LRRC37A2: variants seen among roughly 807,000 people sequenced by gnomAD.
The protein encoded by LRRC37A2 is leucine-rich repeat-containing protein 37A2.
LRRC37A2 carries 9 observed loss-of-function variants against 68.8 expected under a neutral mutation model. The ratio of observed to expected loss-of-function variants is 0.13; its 90% CI spans 0.08 to 0.23. The LOEUF is 0.23. Ranked by LOEUF, LRRC37A2 falls within the 10% of genes least tolerant of loss-of-function variation. The probability of loss-of-function intolerance (pLI) is 1.00; values close to 1 mark genes in which losing one functional copy is unlikely to be tolerated. For missense variants in LRRC37A2, 168 were observed against 950.4 expected, an observed-to-expected ratio of 0.18 and a Z score of 10.82; for synonymous variants, 63 against 367.6, an observed-to-expected ratio of 0.17 and a Z score of 9.48.
chr17:46,839,911 CTTTTCTTTCTTTCTTTCTTT>C, the LRRC37A2 span, among the ~76,000 whole-genome samples: 1 of 134,780 alleles, frequency 7.4e-6, no homozygotes, highest in African/African-American at 2.7e-5. Flanking sequence ...CACATTTTCT[CTTTTCTTTCTTTCTTTCTTT>C]CTTTCTTTCT....
the LRRC37A2 span, among the ~76,000 whole-genome samples, chr17:46,726,922 T>G: frequency 1.5e-4 from 23 of 152,156 alleles, no homozygotes; most frequent in Admixed American, 9.8e-4. Flanking sequence ...TGAGTATATC[T>G]GTTATTTAGG....
chr17:46,783,032 T>C, the LRRC37A2 span, among the ~76,000 whole-genome samples: 1 of 152,178 alleles, frequency 6.6e-6, no homozygotes, highest in Admixed American at 6.5e-5. Context: ...GGGACATGTC[T>C]CTGGGCCTTG....
chr17:46,966,590 C>A, the LRRC37A2 span: 3 of 690,476 alleles, frequency 4.3e-6, no homozygotes, highest in Non-Finnish European at 7.9e-6. Context: ...CTCAAGAGAT[C>A]CTCCTGCATC....
At chr17:46,938,834 G>T in the LRRC37A2 span, 22 of 1,606,186 alleles carry the variant, frequency 1.4e-5, no homozygotes, top group Non-Finnish European at 1.8e-5. Context: ...AGAGAGGGGG[G>T]CCCAGAGGCC....
the LRRC37A2 span, among the ~76,000 whole-genome samples, chr17:46,771,898 C>T: frequency 6.9e-6 from 1 of 145,470 alleles, no homozygotes. Flanking sequence ...GCCCCTGCCC[C>T]CGCCCCCGCC....
the LRRC37A2 span, chr17:46,939,317 C>T: frequency 9.9e-7 from 1 of 1,011,854 alleles, no homozygotes. Context: ...GTCACCATTC[C>T]CTGGAAGCAG....
chr17:46,787,396 C>T, the LRRC37A2 span, among the ~76,000 whole-genome samples: 2 of 152,160 alleles, frequency 1.3e-5, no homozygotes, highest in African/African-American at 4.8e-5. Context: ...AGTGTTAGGT[C>T]ATAAAATGTC....
the LRRC37A2 span, among the ~76,000 whole-genome samples, chr17:46,946,655 G>T: frequency 6.6e-6 from 1 of 152,148 alleles, no homozygotes; most frequent in Admixed American, 6.6e-5. Context: ...CTGAGGCCAG[G>T]AGTTCGAGAC....
chr17:46,711,396 A>G, the LRRC37A2 span, among the ~76,000 whole-genome samples: 7 of 152,224 alleles, frequency 4.6e-5, no homozygotes, highest in African/African-American at 1.7e-4. Flanking sequence ...ACTTAGCCTC[A>G]ATTCAATTAA....
chr17:46,722,211 C>T, the LRRC37A2 span: 3 of 1,521,180 alleles, frequency 2.0e-6, no homozygotes, highest in Non-Finnish European at 2.7e-6. Context: ...TAGGAAGAGA[C>T]CCAAATCTCG....
At position 46,530,362 on chromosome 17, in the gene LRRC37A2, G is replaced by A. The variant is rs573768408; in HGVS notation, c.2906+6478G>A. On this transcript the variant is annotated intron_variant, in intron 6 of 14. Transcript: ENST00000576629. Reference sequence around the variant, plus strand: ...AGAATCCATACTTAACCAGTCATGTGGCACTCACATTCTTTCTCTTTGTAA... The same window carrying A: ...AGAATCCATACTTAACCAGTCATGTAGCACTCACATTCTTTCTCTTTGTAA... Among the ~76,000 whole-genome samples the A allele has an allele frequency of 4.0e-3, 552 of 137,890 alleles. 2 individuals are homozygous for A. Among genetic ancestry groups the A allele is most frequent in the African/African-American group, 9.7e-3 (327 of 33,830 alleles). 90.5% of individuals were successfully genotyped at this position (137,890 alleles called of 152,430 possible).
chr17:46,392,425 CTTTCTCTCTTTCTTTCTT>C, the LRRC37A2 span, among the ~76,000 whole-genome samples: 3 of 51,434 alleles, frequency 5.8e-5, no homozygotes, highest in Admixed American at 5.0e-4. Context: ...CTCTCTCTTT[CTTTCTCTCTTTCTTTCTT>C]TCTTTCTTTC....
the LRRC37A2 span, among the ~76,000 whole-genome samples, chr17:46,769,381 G>A: frequency 6.6e-6 from 1 of 152,086 alleles, no homozygotes; most frequent in Admixed American, 6.5e-5. Context: ...TTAACACATG[G>A]GGAAACTGAG....
At chr17:46,868,359 A>G in the LRRC37A2 span, among the ~76,000 whole-genome samples, 1 of 152,222 alleles carries the variant, frequency 6.6e-6, no homozygotes, top group Non-Finnish European at 1.5e-5. Flanking sequence ...TGGGAGGCCA[A>G]GGTGGGCGGA....
the LRRC37A2 span, among the ~76,000 whole-genome samples, chr17:46,807,569 T>C: frequency 6.6e-6 from 1 of 152,210 alleles, no homozygotes; most frequent in Non-Finnish European, 1.5e-5. Flanking sequence ...ACCAACTCCC[T>C]CCCAGAGCAA....
the LRRC37A2 span, among the ~76,000 whole-genome samples, chr17:47,040,387 G>C: frequency 0.017 from 2,639 of 151,880 alleles, 73 homozygotes; most frequent in Non-Finnish European, 0.024. Context: ...TTGTTTCCTT[G>C]CATCTTTCAT....
the LRRC37A2 span, among the ~76,000 whole-genome samples, chr17:47,022,959 T>C: frequency 6.6e-6 from 1 of 152,272 alleles, no homozygotes; most frequent in East Asian, 1.9e-4. Context: ...GGGTGAAGAC[T>C]ATGTAGATAT....
At chr17:46,872,600 A>G in the LRRC37A2 span, 3 of 1,612,410 alleles carry the variant, frequency 1.9e-6, no homozygotes, top group African/African-American at 4.0e-5. Context: ...CACCTGAAGC[A>G]GTGTGACCTG....
the LRRC37A2 span, among the ~76,000 whole-genome samples, chr17:46,838,037 A>G: frequency 1.3e-5 from 2 of 152,082 alleles, no homozygotes; most frequent in African/African-American, 2.4e-5. Flanking sequence ...ACTTTAGGCC[A>G]TTGCTCCAAC....
Sources: allele counts gnomAD v4.1 joint callset (sites outside exome capture counted in the v4.1 genomes callset), GRCh38; gene constraint gnomAD v4.1.1; transcripts MANE v1.5; gene names NCBI Gene and HGNC (gene_info 2026-07-23, HGNC 2026-07-21).